KIRREL3: variants seen among roughly 807,000 people sequenced by gnomAD.
The protein encoded by KIRREL3 is kirre like nephrin family adhesion molecule 3, also known as kin of IRRE-like protein 3.
A neutral mutation model predicts 89.7 loss-of-function variants in KIRREL3; 36 were observed. The ratio of observed to expected loss-of-function variants is 0.40; its 90% confidence interval spans 0.31 to 0.53. KIRREL3 has a LOEUF of 0.53. Ranked by LOEUF, KIRREL3 falls within the 20% of genes least tolerant of loss-of-function variation. KIRREL3 has a pLI of 0.49. For missense variants in KIRREL3, 864 were observed against 1,056.6 expected, an observed-to-expected ratio of 0.82 and a Z score of 2.53; for synonymous variants, 445 against 441.4, an observed-to-expected ratio of 1.01 and a Z score of -0.10.
At chr11:126,621,692 T>C (rs556516746) in intron 1 of KIRREL3, among the ~76,000 whole-genome samples, 2 of 152,218 alleles carry the variant, frequency 1.3e-5, no homozygotes, top group African/African-American at 4.8e-5. Context: ...AGTGATTAAA[T>C]CATAGTCATC....
rs370548308 is a variant in KIRREL3, at chr11:126,709,162, A to G, written c.56-146250T>C. ...TTCATTTAATACCGTCAACGACCATATAAAGTGTGTTTGATTATCCTTAAG... is the reference window on the plus strand; with the variant it reads ...TTCATTTAATACCGTCAACGACCATGTAAAGTGTGTTTGATTATCCTTAAG... On this transcript the variant is annotated intron_variant, in intron 1 of 16. Transcript: ENST00000525144. This position sits in a 1 kb window ranked among gnomAD's most constrained non-coding sequence, Gnocchi z 4.0. Among the ~76,000 whole-genome samples, 3 of 152,244 alleles carry G rather than the reference A, an allele frequency of 2.0e-5. No individual in the cohort carries two copies. The highest frequency in any genetic ancestry group is 7.2e-5 in the African/African-American group (3 of 41,460).
At chr11:126,714,480 A>G (rs935797335) in intron 1 of KIRREL3, among the ~76,000 whole-genome samples, 1 of 152,142 alleles carries the variant, frequency 6.6e-6, no homozygotes, top group African/African-American at 2.4e-5. Context: ...AGTCACGGAG[A>G]TGTGATGGGG....
At chr11:126,925,846 C>T (rs1947691505) in intron 1 of KIRREL3, among the ~76,000 whole-genome samples, 3 of 151,948 alleles carry the variant, frequency 2.0e-5, no homozygotes, top group South Asian at 2.1e-4. Context: ...CACCGCATGT[C>T]CCCAGGCACT....
chr11:126,602,757 C>A (rs550250744), intron 1 of KIRREL3, among the ~76,000 whole-genome samples: 3 of 152,190 alleles, frequency 2.0e-5, no homozygotes, highest in Non-Finnish European at 4.4e-5. Context: ...CCTTGATAAA[C>A]CCCTCTGCCC....
Position 126,496,514 on chromosome 11 carries a change from C to A in KIRREL3, c.434-23048G>T, listed in dbSNP as rs1957659946. Among the ~76,000 whole-genome samples the A allele has an allele frequency of 6.6e-6, 1 of 151,962 alleles. No homozygotes were observed. Among genetic ancestry groups the A allele is most frequent in the African/African-American group, 2.4e-5 (1 of 41,368 alleles). ...CTGCCATTTCTTCTCACTCCCTTCA[C>A]AAATGAGAACCCAAGGTGTTGGCCA... On this transcript the variant is annotated intron_variant, in intron 4 of 16. Coordinates refer to ENST00000525144, the MANE Select transcript of KIRREL3 (RefSeq NM_032531.4). This position sits in a 1 kb window ranked among gnomAD's most constrained non-coding sequence, Gnocchi z 4.9.
At chr11:126,673,553 T>C (rs1360923331) in intron 1 of KIRREL3, among the ~76,000 whole-genome samples, 1 of 152,208 alleles carries the variant, frequency 6.6e-6, no homozygotes, top group Non-Finnish European at 1.5e-5. Flanking sequence ...CTTCTTACCA[T>C]GTTTCCAAAA....
rs145979589 is a variant in KIRREL3 at position 126,684,288 on chromosome 11, C to A, written c.56-121376G>T. 4.5e-3 allele frequency among the ~76,000 whole-genome samples: 684 copies of A among 152,326 alleles called. 8 individuals carry two copies. The highest frequency in any genetic ancestry group is 0.028 in the South Asian group (134 of 4,826). ...GGACCCATTTCTGCCCTTCTGAAAG[C>A]GGGAGTTAGACTAGATTGGGGCTTT... is the stretch of plus-strand genomic sequence containing the variant. On this transcript the variant is annotated intron_variant, in intron 1 of 16. Transcript: ENST00000525144. The surrounding 1 kb of genome is among the most constrained non-coding windows in gnomAD (Gnocchi z 4.2).
In KIRREL3 at chr11:126,897,881, T is replaced by C. The variant is rs1224536185; in HGVS notation, c.55+102574A>G. Among the ~76,000 whole-genome samples, 3 of 152,180 alleles carry C rather than the reference T, an allele frequency of 2.0e-5. No individual in the cohort carries two copies. Among genetic ancestry groups the C allele is most frequent in the African/African-American group, 7.2e-5 (3 of 41,450 alleles). ...AAGTAAGTCTGCACATATCCACTGA[T>C]GTATGGCACCTCGAGTTGCTGCTGG... On this transcript the variant is annotated intron_variant, in intron 1 of 16. Coordinates refer to ENST00000525144, the MANE Select transcript of KIRREL3 (RefSeq NM_032531.4). The surrounding 1 kb of genome is among the most constrained non-coding windows in gnomAD (Gnocchi z 4.2).
rs1363785265 is a variant in KIRREL3 at position 126,515,647 on chromosome 11, G to A, written c.433+5668C>T. Among the ~76,000 whole-genome samples, 3 of 152,200 alleles carry A rather than the reference G, an allele frequency of 2.0e-5. No individual in the cohort carries two copies. Among genetic ancestry groups the A allele is most frequent in the Non-Finnish European group, 4.4e-5 (3 of 68,040 alleles). On this transcript the variant is annotated intron_variant, in intron 4 of 16. Transcript: ENST00000525144. The surrounding 1 kb of genome is among the most constrained non-coding windows in gnomAD (Gnocchi z 4.2). ...GAATGAGGGCCCAGAGGCTTGGTGA[G>A]CGGAAGGAGATGCCAGCTGCTTGTT...
In KIRREL3 at chr11:126,497,013, G is replaced by A. The variant is rs1178474545; in HGVS notation, c.434-23547C>T. Reference sequence around the variant, plus strand: ...CAGCCTGGGAATCCTGTCAGGGAGTGGGGTCCAGTGCTTAGCCAGAGCAGC... The same window carrying A: ...CAGCCTGGGAATCCTGTCAGGGAGTAGGGTCCAGTGCTTAGCCAGAGCAGC... On this transcript the variant is annotated intron_variant, in intron 4 of 16. Coordinates refer to ENST00000525144, the MANE Select transcript of KIRREL3 (RefSeq NM_032531.4). Among the ~76,000 whole-genome samples the A allele has an allele frequency of 2.6e-5, 4 of 152,316 alleles. No individual in the cohort carries two copies. In the East Asian group the frequency reaches 5.8e-4, roughly 22 times the overall value.
rs564479999 is a variant in KIRREL3 at position 126,763,640 on chromosome 11, C to T, written c.56-200728G>A. On this transcript the variant is annotated intron_variant, in intron 1 of 16. Transcript: ENST00000525144. This position sits in a 1 kb window ranked among gnomAD's most constrained non-coding sequence, Gnocchi z 4.7. ...TAGGCAATGGCCAGTGGGGCCAGCG[C>T]GGGTTTGAAATCTATCTTCCCCATA... 5.3e-5 allele frequency among the ~76,000 whole-genome samples: 8 copies of T among 152,278 alleles called. No individual in the cohort carries two copies. Among genetic ancestry groups the T allele is most frequent in the South Asian group, 2.1e-4 (1 of 4,816 alleles).
In KIRREL3 at chr11:126,490,782, T is replaced by C. The variant is rs1957490319; in HGVS notation, c.434-17316A>G. ...TCTCCCAAAGAATGGGTCTGCCTTC[T>C]TCATCTCTTGCGAGTCTGGGACTCC... On this transcript the variant is annotated intron_variant, in intron 4 of 16. Transcript: ENST00000525144. This position sits in a 1 kb window ranked among gnomAD's most constrained non-coding sequence, Gnocchi z 4.2. Among the ~76,000 whole-genome samples, 2 of 152,194 alleles carry C rather than the reference T, an allele frequency of 1.3e-5. No individual in the cohort carries two copies. Among genetic ancestry groups the C allele is most frequent in the African/African-American group, 4.8e-5 (2 of 41,460 alleles).
In KIRREL3 at chr11:126,912,570, C is replaced by T. The variant is rs1337267059; in HGVS notation, c.55+87885G>A. ...GAGCTGTGAGATGGAAATAACTCATCTTATCTATTCATCTGGAATACGATC... is the reference window on the plus strand; with the variant it reads ...GAGCTGTGAGATGGAAATAACTCATTTTATCTATTCATCTGGAATACGATC... On this transcript the variant is annotated intron_variant, in intron 1 of 16. Coordinates refer to ENST00000525144, the MANE Select transcript of KIRREL3 (RefSeq NM_032531.4). The surrounding 1 kb of genome is among the most constrained non-coding windows in gnomAD (Gnocchi z 4.7). 1.3e-5 allele frequency among the ~76,000 whole-genome samples: 2 copies of T among 152,182 alleles called. No individual in the cohort carries two copies. The highest frequency in any genetic ancestry group is 4.8e-5 in the African/African-American group (2 of 41,438).
rs373401660 is a variant in KIRREL3 at position 126,474,599 on chromosome 11, C to T, written c.434-1133G>A. ...TCATCCCCAGAGGCAGCCTGATTCT[C>T]TCCTGTCCCAGCCTTCCACTGCATT... On this transcript the variant is annotated intron_variant, in intron 4 of 16. Transcript: ENST00000525144. This position sits in a 1 kb window ranked among gnomAD's most constrained non-coding sequence, Gnocchi z 6.7. Among the ~76,000 whole-genome samples, 1 of 152,252 alleles carries T rather than the reference C, an allele frequency of 6.6e-6. No individual in the cohort carries two copies. The highest frequency in any genetic ancestry group is 1.5e-5 in the Non-Finnish European group (1 of 68,044).
rs1402261204 is a variant in KIRREL3, at chr11:126,843,986, T to C, written c.55+156469A>G. On this transcript the variant is annotated intron_variant, in intron 1 of 16. Coordinates refer to ENST00000525144, the MANE Select transcript of KIRREL3 (RefSeq NM_032531.4). This position sits in a 1 kb window ranked among gnomAD's most constrained non-coding sequence, Gnocchi z 4.6. The stretch of plus-strand genomic sequence containing the variant: ...ACCAGCAGCCCTCAGAACTGCTGTC[T>C]ATGGAGTAGCCATTCTTTTGTTCCT... 1.3e-5 allele frequency among the ~76,000 whole-genome samples: 2 copies of C among 152,230 alleles called. No homozygotes were observed. Among genetic ancestry groups the C allele is most frequent in the Non-Finnish European group, 2.9e-5 (2 of 68,040 alleles).
rs1316317659 is a variant in KIRREL3 at position 126,948,110 on chromosome 11, G to T, written c.55+52345C>A. Among the ~76,000 whole-genome samples, 7 of 152,174 alleles carry T rather than the reference G, an allele frequency of 4.6e-5. No homozygotes were observed. The highest frequency in any genetic ancestry group is 3.9e-4 in the Admixed American group (6 of 15,278). On this transcript the variant is annotated intron_variant, in intron 1 of 16. Coordinates refer to ENST00000525144, the MANE Select transcript of KIRREL3 (RefSeq NM_032531.4). The surrounding 1 kb of genome is among the most constrained non-coding windows in gnomAD (Gnocchi z 4.5). ...ATATTATTGGATGTTAAACTACCGT[G>T]TAATTGATTTTCTATCCATTGCCTA...
Position 126,991,428 on chromosome 11 carries a change from A to T in KIRREL3, c.55+9027T>A, listed in dbSNP as rs548433929. 3.3e-4 allele frequency among the ~76,000 whole-genome samples: 51 copies of T among 152,246 alleles called. No individual in the cohort carries two copies. The highest frequency in any genetic ancestry group is 6.2e-4 in the Non-Finnish European group (42 of 68,010). On this transcript the variant is annotated intron_variant, in intron 1 of 16. Coordinates refer to ENST00000525144, the MANE Select transcript of KIRREL3 (RefSeq NM_032531.4). The surrounding 1 kb of genome is among the most constrained non-coding windows in gnomAD (Gnocchi z 5.8). ...TGATAAAAGACTTGGATTTTAATCA[A>T]CCAATTAAGAGAAGCAAAGTCCCTG... is the stretch of plus-strand genomic sequence containing the variant.
chr11:126,671,104 G>A (rs1945922741), intron 1 of KIRREL3, among the ~76,000 whole-genome samples: 1 of 152,098 alleles, frequency 6.6e-6, no homozygotes. Context: ...ACTAGACACA[G>A]ATCTTACATC....
chr11:126,510,207 C>A (rs1958171418), intron 4 of KIRREL3, among the ~76,000 whole-genome samples: 1 of 152,070 alleles, frequency 6.6e-6, no homozygotes. Flanking sequence ...ATCTTCCCCT[C>A]TCTTGGGCCA....
Sources: allele counts gnomAD v4.1 joint callset (sites outside exome capture counted in the v4.1 genomes callset), GRCh38; gene constraint gnomAD v4.1.1; non-coding constraint Gnocchi (gnomAD v3.1); transcripts MANE v1.5; gene names NCBI Gene and HGNC (gene_info 2026-07-23, HGNC 2026-07-21).